Variants in EPHA5 observed in about 807,000 individuals in gnomAD.
EPHA5 encodes the protein EPH receptor A5, also known as ephrin type-A receptor 5.
A neutral mutation model predicts 105.0 loss-of-function variants in EPHA5; 60 were observed. That is an observed-to-expected ratio of 0.57 (90% CI 0.46 to 0.71). EPHA5 has a LOEUF of 0.71. Among genes scored for constraint, EPHA5 ranks in the 30% least tolerant of loss-of-function variants. EPHA5 has a pLI of 0.00. For synonymous variants in EPHA5, 513 were observed against 449.1 expected (o/e 1.14, Z -1.80); for missense variants, 1,218 against 1,274.7 (o/e 0.96, Z 0.68).
At chr4:65,608,131 A>G (rs1374741024) in intron 2 of EPHA5, among the ~76,000 whole-genome samples, 5 of 152,156 alleles carry the variant, frequency 3.3e-5, no homozygotes, top group African/African-American at 9.7e-5. Context: ...GCAAATCACC[A>G]TGGCACGTGT....
chr4:65,603,697 AAGAG>A (rs1009478662), intron 2 of EPHA5, among the ~76,000 whole-genome samples: 3 of 152,136 alleles, frequency 2.0e-5, no homozygotes, highest in African/African-American at 7.2e-5. Context: ...TTAAATTCAC[AAGAG>A]AGAGACATGA....
intron 14 of EPHA5, among the ~76,000 whole-genome samples, chr4:65,344,269 T>C (rs1722008630): frequency 6.6e-6 from 1 of 152,116 alleles, no homozygotes. Context: ...TTGGGCTAGC[T>C]GCTGGTCTCA....
intron 2 of EPHA5, among the ~76,000 whole-genome samples, chr4:65,617,463 T>A (rs1745340221): frequency 6.6e-6 from 1 of 152,156 alleles, no homozygotes; most frequent in African/African-American, 2.4e-5. Flanking sequence ...TTAATGAAAA[T>A]GCCAACAGCG....
At chr4:65,553,141 A>G (rs912234060) in intron 3 of EPHA5, among the ~76,000 whole-genome samples, 1 of 152,130 alleles carries the variant, frequency 6.6e-6, no homozygotes. Context: ...TACAATCTCA[A>G]TGATGAGTTT....
At chr4:65,542,073 C>A (rs796304948) in intron 3 of EPHA5, among the ~76,000 whole-genome samples, 4 of 151,912 alleles carry the variant, frequency 2.6e-5, no homozygotes, top group African/African-American at 7.2e-5. Context: ...GTCTCTGGGA[C>A]ACAGCTAAGG....
At chr4:65,462,445 A>G (rs144023998) in intron 5 of EPHA5, among the ~76,000 whole-genome samples, 204 of 152,226 alleles carry the variant, frequency 1.3e-3, no homozygotes, top group African/African-American at 4.6e-3. Flanking sequence ...AATTCTAAAC[A>G]TTGATGGGGG....
At chr4:65,508,299 A>G (rs1468086821) in intron 3 of EPHA5, among the ~76,000 whole-genome samples, 3 of 152,138 alleles carry the variant, frequency 2.0e-5, no homozygotes, top group Admixed American at 2.0e-4. Context: ...TACGGTCATA[A>G]AATAAGTCCA....
intron 2 of EPHA5, among the ~76,000 whole-genome samples, chr4:65,612,630 C>T (rs1201485596): frequency 2.0e-5 from 3 of 152,128 alleles, no homozygotes; most frequent in African/African-American, 7.2e-5. Context: ...CGGTGAGAAA[C>T]ATAGAGGTAC....
At chr4:65,609,689 A>G (rs1744582300) in intron 2 of EPHA5, among the ~76,000 whole-genome samples, 1 of 150,998 alleles carries the variant, frequency 6.6e-6, no homozygotes, top group African/African-American at 2.4e-5. Flanking sequence ...TCAAAAACGT[A>G]TGGATCCTTT....
At chr4:65,339,749 C>T (rs1381105909) in intron 14 of EPHA5, among the ~76,000 whole-genome samples, 5 of 152,112 alleles carry the variant, frequency 3.3e-5, no homozygotes, top group Non-Finnish European at 7.3e-5. Context: ...GGGAAACAAC[C>T]TTGGCCAGGA....
At chr4:65,572,753 G>T (rs1169175672) in intron 3 of EPHA5, among the ~76,000 whole-genome samples, 1 of 152,186 alleles carries the variant, frequency 6.6e-6, no homozygotes, top group Non-Finnish European at 1.5e-5. Context: ...ATCACAAGCT[G>T]GGCGTGGTGG....
intron 3 of EPHA5, among the ~76,000 whole-genome samples, chr4:65,589,429 CCCTCCCCA>C: frequency 6.6e-6 from 1 of 152,142 alleles, no homozygotes; most frequent in East Asian, 1.9e-4. Context: ...TGTTAAAGTT[CCCTCCCCA>C]CCTCCCTCTG....
At chr4:65,455,105 C>T (rs922210321) in intron 5 of EPHA5, among the ~76,000 whole-genome samples, 134 of 151,946 alleles carry the variant, frequency 8.8e-4, no homozygotes, top group Non-Finnish European at 1.4e-3. Context: ...CAGTGGCGGG[C>T]GCCTGGAGTC....
At chr4:65,561,098 C>A (rs1235213359) in intron 3 of EPHA5, among the ~76,000 whole-genome samples, 3 of 151,746 alleles carry the variant, frequency 2.0e-5, no homozygotes. Flanking sequence ...CTTTTTCTAT[C>A]CCCGATAGGC....
intron 2 of EPHA5, among the ~76,000 whole-genome samples, chr4:65,611,457 T>G (rs1377950171): frequency 2.0e-5 from 3 of 149,918 alleles, no homozygotes; most frequent in Non-Finnish European, 4.4e-5. Context: ...GAAAATAAAG[T>G]AGATTAGCCT....
At chr4:65,351,315 G>T in intron 13 of EPHA5, 74 bp downstream of exon 13, 2 of 1,325,622 alleles carry the variant, frequency 1.5e-6, no homozygotes, top group Non-Finnish European at 1.1e-6. Flanking sequence ...TGCTCTTTTA[G>T]CTATTTCTTT....
chr4:65,492,840 A>G (rs1731545092), intron 4 of EPHA5, among the ~76,000 whole-genome samples: 1 of 152,122 alleles, frequency 6.6e-6, no homozygotes, highest in Admixed American at 6.6e-5. Flanking sequence ...GTATTTCTGG[A>G]AATACACGTG....
chr4:65,546,088 CAT>C (rs1737343638), intron 3 of EPHA5, among the ~76,000 whole-genome samples: 1 of 151,968 alleles, frequency 6.6e-6, no homozygotes, highest in Non-Finnish European at 1.5e-5. Flanking sequence ...GTATTTGACA[CAT>C]GTGCTTTCAT....
intron 3 of EPHA5, among the ~76,000 whole-genome samples, chr4:65,592,116 C>T (rs1742722980): frequency 6.6e-6 from 1 of 151,886 alleles, no homozygotes; most frequent in Admixed American, 6.6e-5. Flanking sequence ...CAGTACCAAC[C>T]ATGTGAAGGT....
Sources: allele counts gnomAD v4.1 joint callset (sites outside exome capture counted in the v4.1 genomes callset), GRCh38; gene constraint gnomAD v4.1.1; transcripts MANE v1.5; gene names NCBI Gene and HGNC (gene_info 2026-07-23, HGNC 2026-07-21).